Variants in CTNNA3 observed in about 807,000 individuals in gnomAD.
CTNNA3 encodes the protein catenin alpha 3, also known as catenin alpha-3.
Under a neutral mutation model 95.7 loss-of-function variants are expected in CTNNA3, and 76 were observed. The ratio of observed to expected loss-of-function variants is 0.79; its 90% CI spans 0.66 to 0.96. The LOEUF (loss-of-function observed/expected upper bound fraction) is 0.96. CTNNA3 is among the 40% of genes least tolerant of loss of function. The pLI, the probability that CTNNA3 is intolerant of heterozygous loss-of-function variation, is 0.00. For synonymous variants in CTNNA3, 431 were observed against 374.4 expected (o/e 1.15, Z -1.74); for missense variants, 1,191 against 1,089.8 (o/e 1.09, Z -1.31).
intron 15 of CTNNA3, among the ~76,000 whole-genome samples, chr10:66,010,354 C>T (rs1296645262): frequency 6.6e-6 from 1 of 152,042 alleles, no homozygotes; most frequent in Non-Finnish European, 1.5e-5. Flanking sequence ...TAGTTTATTC[C>T]TGTGAGCACA....
At chr10:66,837,847 T>C (rs1842932881) in intron 7 of CTNNA3, 2 of 152,220 alleles carry the variant, frequency 1.3e-5, no homozygotes, top group South Asian at 4.1e-4. Flanking sequence ...GTACATACCA[T>C]TGCACAGTCA....
chr10:66,876,862 C>T (rs1398844361), intron 7 of CTNNA3, among the ~76,000 whole-genome samples: 1 of 152,110 alleles, frequency 6.6e-6, no homozygotes, highest in Non-Finnish European at 1.5e-5. Flanking sequence ...AACAGTTGTT[C>T]TGTGACATGC....
At chr10:67,165,986 C>A (rs1313278740) in intron 7 of CTNNA3, among the ~76,000 whole-genome samples, 1 of 152,228 alleles carries the variant, frequency 6.6e-6, no homozygotes, top group East Asian at 1.9e-4. Context: ...TGTAAGCCAA[C>A]TGCCATACTA....
intron 7 of CTNNA3, among the ~76,000 whole-genome samples, chr10:66,793,560 A>G (rs1194456527): frequency 6.6e-6 from 1 of 152,104 alleles, no homozygotes; most frequent in African/African-American, 2.4e-5. Flanking sequence ...GAACTATGCT[A>G]TTCCTCTGTA....
At chr10:66,045,977 C>T (rs763456205) in intron 15 of CTNNA3, among the ~76,000 whole-genome samples, 3 of 151,946 alleles carry the variant, frequency 2.0e-5, no homozygotes, top group Admixed American at 6.6e-5. Flanking sequence ...CCAAGATGGC[C>T]GACTAGATGC....
At position 67,564,169 on chromosome 10, in the gene CTNNA3, T is replaced by G. The variant is rs576573733; in HGVS notation, c.293-24500A>C. Among the ~76,000 whole-genome samples, 4 of 150,022 alleles carry G rather than the reference T, an allele frequency of 2.7e-5. No individual in the cohort carries two copies. In the East Asian group the frequency reaches 7.7e-4, roughly 29 times the overall value. On this transcript the variant is annotated intron_variant, in intron 3 of 17. Coordinates refer to ENST00000433211, the MANE Select transcript of CTNNA3 (RefSeq NM_013266.4). Reference sequence around the variant, plus strand: ...TATATACCCAAAGGATCATAAATCATGCTTCTATAAAGACACATGCACACG... The same window carrying G: ...TATATACCCAAAGGATCATAAATCAGGCTTCTATAAAGACACATGCACACG...
At chr10:67,589,791 C>T (rs1842738486) in intron 3 of CTNNA3, among the ~76,000 whole-genome samples, 1 of 152,152 alleles carries the variant, frequency 6.6e-6, no homozygotes, top group Non-Finnish European at 1.5e-5. Context: ...TCTCATAGTA[C>T]TACTAAGCCA....
At position 66,625,088 on chromosome 10, in the gene CTNNA3, C is replaced by A. The variant is rs555020515; in HGVS notation, c.1282-3304G>T. 1.1e-3 allele frequency among the ~76,000 whole-genome samples: 160 copies of A among 152,082 alleles called. 2 individuals carry two copies. The highest frequency in any genetic ancestry group is 0.01 in the Middle Eastern group (3 of 294). On this transcript the variant is annotated intron_variant, in intron 9 of 17. Transcript: ENST00000433211. The stretch of plus-strand genomic sequence containing the variant: ...TAAATTACATCCTTAAAATAATTAC[C>A]AATATTGTAATAATTTAAAAACAAA...
intron 10 of CTNNA3, among the ~76,000 whole-genome samples, chr10:66,531,979 T>A (rs1327928031): frequency 6.6e-6 from 1 of 152,160 alleles, no homozygotes; most frequent in African/African-American, 2.4e-5. Context: ...TCAGTTCAAA[T>A]GGAGAAATTT....
At chr10:67,198,284 C>T (rs1033726305) in intron 6 of CTNNA3, among the ~76,000 whole-genome samples, 20 of 152,014 alleles carry the variant, frequency 1.3e-4, no homozygotes, top group African/African-American at 4.1e-4. Context: ...GCACTATTTC[C>T]CTAAGCAAGT....
chr10:67,290,787 G>T (rs1449246816), intron 5 of CTNNA3, among the ~76,000 whole-genome samples: 1 of 152,088 alleles, frequency 6.6e-6, no homozygotes, highest in Non-Finnish European at 1.5e-5. Context: ...TAGAGCAAAT[G>T]GCTAACAATA....
At chr10:66,839,953 C>A (rs1487957535) in intron 7 of CTNNA3, among the ~76,000 whole-genome samples, 1 of 152,086 alleles carries the variant, frequency 6.6e-6, no homozygotes, top group Non-Finnish European at 1.5e-5. Context: ...TTTGAAGTAT[C>A]TGATTTGGGG....
At chr10:67,586,439 G>GTCTC (rs559156866) in intron 3 of CTNNA3, among the ~76,000 whole-genome samples, 3 of 152,016 alleles carry the variant, frequency 2.0e-5, no homozygotes, top group Non-Finnish European at 4.4e-5. Context: ...CCATATTGCT[G>GTCTC]TCTCTCTCTC....
intron 3 of CTNNA3, among the ~76,000 whole-genome samples, chr10:67,575,990 A>G (rs1172976972): frequency 6.6e-6 from 1 of 152,210 alleles, no homozygotes; most frequent in Non-Finnish European, 1.5e-5. Context: ...TAGTAGAGTT[A>G]AAAGGATTAT....
chr10:66,502,381 G>A (rs1840305889), intron 11 of CTNNA3, among the ~76,000 whole-genome samples: 1 of 152,044 alleles, frequency 6.6e-6, no homozygotes, highest in Admixed American at 6.6e-5. Context: ...TATTATAAAT[G>A]TTTAAGAAAA....
chr10:66,328,911 C>CAT (rs1554935009), intron 12 of CTNNA3, among the ~76,000 whole-genome samples: 19,933 of 86,428 alleles, frequency 0.23, 2,920 homozygotes, highest in East Asian at 0.46. Flanking sequence ...CACATATATA[C>CAT]ATATATATAT....
At chr10:66,804,276 A>G (rs1841551163) in intron 7 of CTNNA3, among the ~76,000 whole-genome samples, 3 of 151,908 alleles carry the variant, frequency 2.0e-5, no homozygotes, top group Admixed American at 2.0e-4. Context: ...GGTTTTATAT[A>G]TTGTTTTATT....
intron 8 of CTNNA3, among the ~76,000 whole-genome samples, chr10:66,774,290 G>A (rs1344470543): frequency 6.6e-6 from 1 of 152,092 alleles, no homozygotes; most frequent in East Asian, 1.9e-4. Flanking sequence ...TCCACGAAAG[G>A]GGAGGATCGC....
chr10:66,549,593 T>A (rs1211043493), intron 10 of CTNNA3, among the ~76,000 whole-genome samples: 3 of 152,182 alleles, frequency 2.0e-5, no homozygotes, highest in Non-Finnish European at 4.4e-5. Flanking sequence ...TAGATTGTTC[T>A]CCTTTTCTTA....
Sources: allele counts gnomAD v4.1 joint callset (sites outside exome capture counted in the v4.1 genomes callset), GRCh38; gene constraint gnomAD v4.1.1; transcripts MANE v1.5; gene names NCBI Gene and HGNC (gene_info 2026-07-23, HGNC 2026-07-21).